The following RBM47 variants were observed in gnomAD, a reference collection of about 807,000 sequenced individuals.
RBM47 encodes the protein RNA-binding protein 47.
Under a neutral mutation model 47.1 loss-of-function variants are expected in RBM47, and 21 were observed. The ratio of observed to expected loss-of-function variants is 0.45; its 90% CI spans 0.32 to 0.64. The LOEUF (loss-of-function observed/expected upper bound fraction) is 0.64, where lower values mean the gene tolerates loss of function less well. Ranked by LOEUF, RBM47 falls within the 30% of genes least tolerant of loss-of-function variation. The pLI, the probability that RBM47 is intolerant of heterozygous loss-of-function variation, is 0.05. For synonymous variants in RBM47, 375 were observed against 361.7 expected (o/e 1.04, Z -0.42); for missense variants, 708 against 870.9 (o/e 0.81, Z 2.35).
At position 40,436,186 on chromosome 4, in the gene RBM47, AC is replaced by A. The variant is rs1217845027; in HGVS notation, c.1330+254del. Among the ~76,000 whole-genome samples, 177 of 45,194 alleles carry A rather than the reference AC, an allele frequency of 3.9e-3. 2 individuals carry two copies. Among genetic ancestry groups the A allele is most frequent in the Non-Finnish European group, 8.9e-3 (141 of 15,898 alleles). 29.6% of individuals were successfully genotyped at this position (45,194 alleles called of 152,430 possible). On this transcript the variant is annotated intron_variant, in intron 5 of 6. Coordinates refer to ENST00000295971, the MANE Select transcript of RBM47 (RefSeq NM_001098634.2). ...GACTCTGTCTCAAAAAAAAAAAAAA[AC>A]AAACAAACAAACAAACAAAAAAAAA...
intron 1 of RBM47, among the ~76,000 whole-genome samples, chr4:40,598,871 T>G (rs1406061096): frequency 1.4e-5 from 2 of 145,698 alleles, no homozygotes; most frequent in African/African-American, 2.5e-5. Flanking sequence ...AAAAAAGAGT[T>G]GGGGAGGAGG....
At chr4:40,560,998 T>C (rs912041745) in intron 1 of RBM47, among the ~76,000 whole-genome samples, 5 of 151,956 alleles carry the variant, frequency 3.3e-5, no homozygotes, top group African/African-American at 1.2e-4. Flanking sequence ...GCTATTCCCT[T>C]TTCTCTCACT....
At chr4:40,551,333 C>T (rs1454125689) in intron 1 of RBM47, among the ~76,000 whole-genome samples, 7 of 152,174 alleles carry the variant, frequency 4.6e-5, no homozygotes, top group Non-Finnish European at 5.9e-5. Flanking sequence ...TTCACTTTTG[C>T]AACGTGGAAT....
At chr4:40,442,217 C>A in intron 3 of RBM47, among the ~76,000 whole-genome samples, 1 of 152,148 alleles carries the variant, frequency 6.6e-6, no homozygotes, top group Admixed American at 6.5e-5. Flanking sequence ...GCATATATAT[C>A]TAATTACAGC....
intron 3 of RBM47, among the ~76,000 whole-genome samples, chr4:40,450,512 G>T (rs1715245691): frequency 6.6e-6 from 1 of 151,988 alleles, no homozygotes; most frequent in South Asian, 2.1e-4. Flanking sequence ...TGAGGCAGAA[G>T]AATTGCTTGA....
chr4:40,600,484 A>G (rs1735154947), intron 1 of RBM47, among the ~76,000 whole-genome samples: 1 of 150,792 alleles, frequency 6.6e-6, no homozygotes, highest in South Asian at 2.1e-4. Flanking sequence ...AATACAAAAA[A>G]TTAGCCGGGT....
At chr4:40,619,545 T>C (rs1451275986) in intron 1 of RBM47, among the ~76,000 whole-genome samples, 1 of 152,158 alleles carries the variant, frequency 6.6e-6, no homozygotes, top group African/African-American at 2.4e-5. Context: ...CTTGTGCCCA[T>C]CTCCTCCTTG....
At chr4:40,471,373 G>A (rs1560396456) in intron 2 of RBM47, among the ~76,000 whole-genome samples, 1 of 152,140 alleles carries the variant, frequency 6.6e-6, no homozygotes, top group East Asian at 1.9e-4. Flanking sequence ...ATCAATCTAG[G>A]TCTCCTTACA....
intron 1 of RBM47, among the ~76,000 whole-genome samples, chr4:40,622,015 G>A (rs1214900967): frequency 6.6e-6 from 1 of 152,202 alleles, no homozygotes; most frequent in Admixed American, 6.5e-5. Flanking sequence ...GTTGTATTTC[G>A]AGTAAAACGC....
intron 1 of RBM47, among the ~76,000 whole-genome samples, chr4:40,546,302 C>T (rs1729032597): frequency 6.6e-6 from 1 of 152,084 alleles, no homozygotes; most frequent in Non-Finnish European, 1.5e-5. Flanking sequence ...AGGCATGCAC[C>T]ACCACTCCGG....
chr4:40,461,936 C>CAA (rs34793166), intron 3 of RBM47, among the ~76,000 whole-genome samples: 4 of 127,778 alleles, frequency 3.1e-5, no homozygotes, highest in South Asian at 4.9e-4. Flanking sequence ...AACTCCGTCT[C>CAA]AAAAAAAAAA....
intron 2 of RBM47, among the ~76,000 whole-genome samples, chr4:40,531,842 T>A (rs1181287512): frequency 6.6e-6 from 1 of 151,932 alleles, no homozygotes; most frequent in African/African-American, 2.4e-5. Context: ...AGGAAGATGG[T>A]AGTGCGAATG....
chr4:40,605,498 A>G (rs1191752325), intron 1 of RBM47, among the ~76,000 whole-genome samples: 1 of 151,882 alleles, frequency 6.6e-6, no homozygotes, highest in African/African-American at 2.4e-5. Flanking sequence ...GAGGCATTTC[A>G]TTTTCAAGGT....
intron 1 of RBM47, among the ~76,000 whole-genome samples, chr4:40,574,197 T>C (rs533597259): frequency 6.6e-6 from 1 of 152,350 alleles, no homozygotes; most frequent in Admixed American, 6.5e-5. Flanking sequence ...TCCCAGAGTG[T>C]AGGAAACTCC....
At chr4:40,622,753 A>G (rs577276612) in intron 1 of RBM47, among the ~76,000 whole-genome samples, 11 of 152,184 alleles carry the variant, frequency 7.2e-5, no homozygotes, top group Middle Eastern at 3.2e-3. Flanking sequence ...ATGGTGGTGC[A>G]TGTCTGTAAT....
chr4:40,432,365 G>C (rs1326091219), intron 6 of RBM47, among the ~76,000 whole-genome samples: 1 of 151,854 alleles, frequency 6.6e-6, no homozygotes, highest in African/African-American at 2.4e-5. Context: ...ATTATCCAGT[G>C]CTATTTTAAA....
At chr4:40,588,111 CAA>C in intron 1 of RBM47, among the ~76,000 whole-genome samples, 1 of 152,120 alleles carries the variant, frequency 6.6e-6, no homozygotes, top group Non-Finnish European at 1.5e-5. Flanking sequence ...GGGGTGCAGC[CAA>C]AGACAGTTGC....
rs370744172 is a variant in RBM47, at chr4:40,512,341, G to GAGGTGGA, written c.-155+32074_-155+32080dup. Among the ~76,000 whole-genome samples the GAGGTGGA allele has an allele frequency of 5.4e-3, 817 of 151,538 alleles. 6 individuals carry two copies. Among genetic ancestry groups the GAGGTGGA allele is most frequent in the African/African-American group, 0.016 (643 of 41,238 alleles). On this transcript the variant is annotated intron_variant, in intron 2 of 6. Transcript: ENST00000295971. ...AGGCAGGAGAATCTCTTGAACCTGG[G>GAGGTGGA]AGGTGGAGGTTGCAGAGAGCCGAGA...
intron 2 of RBM47, among the ~76,000 whole-genome samples, chr4:40,505,922 CA>C (rs1364800884): frequency 5.3e-5 from 8 of 150,840 alleles, no homozygotes; most frequent in Non-Finnish European, 1.2e-4. Flanking sequence ...AAACAAAAAA[CA>C]AAAAAACTTA....
Sources: gnomAD v4.1 joint callset for allele counts (sites outside exome capture counted in the v4.1 genomes callset) on GRCh38, gnomAD v4.1.1 for gene constraint, MANE v1.5 for transcripts, NCBI Gene and HGNC (gene_info 2026-07-23, HGNC 2026-07-21) for gene names.